Variants in KIRREL3 observed in about 807,000 individuals in gnomAD.
KIRREL3 encodes kin of IRRE-like protein 3.
KIRREL3 carries 36 observed loss-of-function variants against 89.7 expected under a neutral mutation model. The ratio of observed to expected loss-of-function variants is 0.40; its 90% confidence interval spans 0.31 to 0.53. The LOEUF is 0.53. Among genes scored for constraint, KIRREL3 ranks in the 20% least tolerant of loss-of-function variants. KIRREL3 has a pLI of 0.49. For missense variants in KIRREL3, 864 were observed against 1,056.6 expected (o/e 0.82, Z 2.53); for synonymous variants, 445 against 441.4 (o/e 1.01, Z -0.10).
At chr11:126,868,601 T>A (rs960463777) in intron 1 of KIRREL3, among the ~76,000 whole-genome samples, 1 of 152,092 alleles carries the variant, frequency 6.6e-6, no homozygotes, top group African/African-American at 2.4e-5. Context: ...GTTAGGAGGG[T>A]AAAGTGTAGG....
At chr11:126,789,599 A>G (rs1347213446) in intron 1 of KIRREL3, among the ~76,000 whole-genome samples, 1 of 152,164 alleles carries the variant, frequency 6.6e-6, no homozygotes, top group Non-Finnish European at 1.5e-5. Context: ...GCCCTTGTTA[A>G]GACCCTTGCC....
chr11:126,767,975 A>G (rs1321829855), intron 1 of KIRREL3, among the ~76,000 whole-genome samples: 1 of 152,248 alleles, frequency 6.6e-6, no homozygotes, highest in Non-Finnish European at 1.5e-5. Context: ...CAGCTACCAT[A>G]GGGTGAAGTC....
intron 1 of KIRREL3, among the ~76,000 whole-genome samples, chr11:126,670,751 C>A (rs1015796442): frequency 6.6e-6 from 1 of 151,996 alleles, no homozygotes; most frequent in Non-Finnish European, 1.5e-5. Context: ...GTGTCTTTAA[C>A]GAAGAAAAAA....
Position 126,645,319 on chromosome 11 carries a change from G to T in KIRREL3, c.56-82407C>A, listed in dbSNP as rs1349122121. Among the ~76,000 whole-genome samples the T allele has an allele frequency of 1.3e-5, 2 of 152,096 alleles. No individual in the cohort carries two copies. The highest frequency in any genetic ancestry group is 3.9e-4 in the East Asian group (2 of 5,176). On this transcript the variant is annotated intron_variant, in intron 1 of 16. Transcript: ENST00000525144. This position sits in a 1 kb window ranked among gnomAD's most constrained non-coding sequence, Gnocchi z 4.9. ...AAGACCTCCAGCGTCTTCATGTGTG[G>T]TCCTCAAATCCTGAATACTTCTCTC...
chr11:126,634,693 A>T (rs1944191594), intron 1 of KIRREL3, among the ~76,000 whole-genome samples: 1 of 152,200 alleles, frequency 6.6e-6, no homozygotes, highest in South Asian at 2.1e-4. Flanking sequence ...CAAAGAGTGC[A>T]TCGGGTGGAA....
At position 126,954,375 on chromosome 11, in the gene KIRREL3, A is replaced by G. The variant is rs1003943751; in HGVS notation, c.55+46080T>C. ...TAGCCGATTGATTATTTATCACTTC[A>G]ATGAAGAATTTATTGATTTACTTAA... On this transcript the variant is annotated intron_variant, in intron 1 of 16. Coordinates refer to ENST00000525144, the MANE Select transcript of KIRREL3 (RefSeq NM_032531.4). This position sits in a 1 kb window ranked among gnomAD's most constrained non-coding sequence, Gnocchi z 4.1. Among the ~76,000 whole-genome samples the G allele has an allele frequency of 6.6e-5, 10 of 152,126 alleles. No homozygotes were observed. The highest frequency in any genetic ancestry group is 2.4e-4 in the African/African-American group (10 of 41,404).
Position 126,970,368 on chromosome 11 carries a change from A to G in KIRREL3, c.55+30087T>C, listed in dbSNP as rs1321828848. ...TTTATGAAACACTGCTCTTTATTAAACACTACATTAAACACAAATAGGTAG... is the reference window on the plus strand; with the variant it reads ...TTTATGAAACACTGCTCTTTATTAAGCACTACATTAAACACAAATAGGTAG... On this transcript the variant is annotated intron_variant, in intron 1 of 16. Coordinates refer to ENST00000525144, the MANE Select transcript of KIRREL3 (RefSeq NM_032531.4). This position sits in a 1 kb window ranked among gnomAD's most constrained non-coding sequence, Gnocchi z 4.4. 6.6e-6 allele frequency among the ~76,000 whole-genome samples: 1 copy of G among 152,130 alleles called. No homozygotes were observed. Among genetic ancestry groups the G allele is most frequent in the Non-Finnish European group, 1.5e-5 (1 of 68,032 alleles).
intron 1 of KIRREL3, among the ~76,000 whole-genome samples, chr11:126,963,810 A>G (rs1426330441): frequency 1.3e-5 from 2 of 152,180 alleles, no homozygotes; most frequent in African/African-American, 4.8e-5. Context: ...ATGTCTGGAG[A>G]TGATTAACCT....
At position 126,676,654 on chromosome 11, in the gene KIRREL3, G is replaced by T. The variant is rs980561996; in HGVS notation, c.56-113742C>A. Among the ~76,000 whole-genome samples the T allele has an allele frequency of 1.3e-5, 2 of 152,126 alleles. No individual in the cohort carries two copies. The highest frequency in any genetic ancestry group is 4.8e-5 in the African/African-American group (2 of 41,430). On this transcript the variant is annotated intron_variant, in intron 1 of 16. Transcript: ENST00000525144. The surrounding 1 kb of genome is among the most constrained non-coding windows in gnomAD (Gnocchi z 4.5). ...CGTGGTCCTGGACTCTCCTTGCCTG[G>T]ACTTGAGGTAACTGCCTTGGCCTCC...
In KIRREL3 at chr11:126,608,262, T is replaced by C. The variant is rs1336086402; in HGVS notation, c.56-45350A>G. On this transcript the variant is annotated intron_variant, in intron 1 of 16. Transcript: ENST00000525144. This position sits in a 1 kb window ranked among gnomAD's most constrained non-coding sequence, Gnocchi z 4.9. ...AGAAGCCCCCGCTGGGAGCCTCCTATCCACCTGGCAGGCGTTTGGAACAAC... is the reference window on the plus strand; with the variant it reads ...AGAAGCCCCCGCTGGGAGCCTCCTACCCACCTGGCAGGCGTTTGGAACAAC... Among the ~76,000 whole-genome samples, 3 of 152,180 alleles carry C rather than the reference T, an allele frequency of 2.0e-5. No individual in the cohort carries two copies. The highest frequency in any genetic ancestry group is 7.2e-5 in the African/African-American group (3 of 41,446).
rs150356517 is a variant in KIRREL3, at chr11:126,754,634, C to T, written c.56-191722G>A. On this transcript the variant is annotated intron_variant, in intron 1 of 16. Coordinates refer to ENST00000525144, the MANE Select transcript of KIRREL3 (RefSeq NM_032531.4). This position sits in a 1 kb window ranked among gnomAD's most constrained non-coding sequence, Gnocchi z 5.1. ...TCATTTTTAAAGTCACCAGGGAGTT[C>T]GTGCGCACTCAGTGGTGTCAGGTGG... 5.9e-3 allele frequency among the ~76,000 whole-genome samples: 893 copies of T among 151,938 alleles called. 10 individuals are homozygous for T. The highest frequency in any genetic ancestry group is 0.02 in the African/African-American group (842 of 41,428).
Position 126,610,468 on chromosome 11 carries a change from G to A in KIRREL3, c.56-47556C>T, listed in dbSNP as rs1052243979. Among the ~76,000 whole-genome samples, 1 of 152,170 alleles carries A rather than the reference G, an allele frequency of 6.6e-6. No homozygotes were observed. Among genetic ancestry groups the A allele is most frequent in the Non-Finnish European group, 1.5e-5 (1 of 68,040 alleles). On this transcript the variant is annotated intron_variant, in intron 1 of 16. Transcript: ENST00000525144. The surrounding 1 kb of genome is among the most constrained non-coding windows in gnomAD (Gnocchi z 4.6). The stretch of plus-strand genomic sequence containing the variant: ...ACACATTAGGCTCAAGGACAGAAGG[G>A]ACATACTTAGGATGATAGACTAACC...
Position 126,462,759 on chromosome 11 carries a change from C to A in KIRREL3, c.742+398G>T, listed in dbSNP as rs1956588768. 1.3e-5 allele frequency among the ~76,000 whole-genome samples: 2 copies of A among 152,176 alleles called. No individual in the cohort carries two copies. On this transcript the variant is annotated intron_variant, in intron 6 of 16. Coordinates refer to ENST00000525144, the MANE Select transcript of KIRREL3 (RefSeq NM_032531.4). The surrounding 1 kb of genome is among the most constrained non-coding windows in gnomAD (Gnocchi z 4.8). ...CCCTTCCATGAGAGTGGCTGGTGCACCCTCTCCAGAGCACAGCGCTGCTTG... is the reference window on the plus strand; with the variant it reads ...CCCTTCCATGAGAGTGGCTGGTGCAACCTCTCCAGAGCACAGCGCTGCTTG...
intron 1 of KIRREL3, among the ~76,000 whole-genome samples, chr11:126,816,365 T>C (rs913472907): frequency 2.4e-4 from 37 of 152,216 alleles, no homozygotes; most frequent in African/African-American, 8.9e-4. Context: ...GAGTTTACGT[T>C]TCCTGAAGTT....
In KIRREL3 at chr11:126,473,367, GC is replaced by G; in HGVS notation, c.532del (p.Ala178GlnfsTer139). ...CTTTCGCAACCAGATGATGGAGGCT[GC>G]AGGCTTGGCATTGTCTGCGTGGCAG... ...LTCHADNAKPAASIIWLRKGE... is the reference protein window; with the variant it reads ...LTCHADNAKPXASIIWLRKGE... On this transcript the variant is annotated frameshift_variant, in exon 5 of 17. Transcript: ENST00000525144. LOFTEE classifies it high-confidence loss of function. The G allele has an allele frequency of 6.4e-7, 1 of 1,567,732 alleles. No individual in the cohort carries two copies. Among genetic ancestry groups the G allele is most frequent in the Non-Finnish European group, 8.6e-7 (1 of 1,158,496 alleles).
intron 1 of KIRREL3, among the ~76,000 whole-genome samples, chr11:126,836,121 C>A (rs1173643525): frequency 6.6e-6 from 1 of 152,202 alleles, no homozygotes; most frequent in Non-Finnish European, 1.5e-5. Flanking sequence ...TTATTTTAAT[C>A]ATTTCCCCAC....
At chr11:126,842,636 G>A in intron 1 of KIRREL3, among the ~76,000 whole-genome samples, 1 of 152,144 alleles carries the variant, frequency 6.6e-6, no homozygotes. Flanking sequence ...GTCAGACCTG[G>A]CTTGGCCTAC....
chr11:126,562,974 C>T lies in KIRREL3; in HGVS notation c.56-62G>A. On this transcript the variant is annotated intron_variant, in intron 1 of 16. Coordinates refer to ENST00000525144, the MANE Select transcript of KIRREL3 (RefSeq NM_032531.4). The surrounding 1 kb of genome is among the most constrained non-coding windows in gnomAD (Gnocchi z 4.7). ...GAACAGGTCAGGCATTGTTGGGGGG[C>T]CCTCTGCAGGGGGCTGTGGAGCTTG... 1 of 1,281,912 alleles carries T rather than the reference C, an allele frequency of 7.8e-7. No individual in the cohort carries two copies. The highest frequency in any genetic ancestry group is 1.1e-6 in the Non-Finnish European group (1 of 885,006). 79.4% of individuals were successfully genotyped at this position (1,281,912 alleles called of 1,614,324 possible).
At chr11:126,874,752 G>A (rs1015489519) in intron 1 of KIRREL3, among the ~76,000 whole-genome samples, 2 of 152,136 alleles carry the variant, frequency 1.3e-5, no homozygotes, top group African/African-American at 4.8e-5. Flanking sequence ...TTAGAATTAA[G>A]CATCCCAGTT....
Sources: gnomAD v4.1 joint callset for allele counts (sites outside exome capture counted in the v4.1 genomes callset) on GRCh38, gnomAD v4.1.1 for gene constraint, Gnocchi (gnomAD v3.1) non-coding constraint, MANE v1.5 for transcripts, NCBI Gene and HGNC (gene_info 2026-07-23, HGNC 2026-07-21) for gene names.